PTPRG: variants seen among roughly 807,000 people sequenced by gnomAD.
The protein encoded by PTPRG is receptor-type tyrosine-protein phosphatase gamma.
A neutral mutation model predicts 165.3 loss-of-function variants in PTPRG; 102 were observed. The observed-to-expected ratio is 0.62, with a 90% CI of 0.53 to 0.73. The LOEUF is 0.73. PTPRG is among the 30% of genes least tolerant of loss of function. PTPRG has a pLI of 0.00. For synonymous variants in PTPRG, 675 were observed against 669.5 expected (o/e 1.01, Z -0.13); for missense variants, 1,866 against 1,861.4 (o/e 1.00, Z -0.05).
At chr3:61,729,355 G>A (rs1305762672) in intron 1 of PTPRG, among the ~76,000 whole-genome samples, 1 of 152,178 alleles carries the variant, frequency 6.6e-6, no homozygotes, top group Non-Finnish European at 1.5e-5. Context: ...TTTCCCCTTT[G>A]TAAAGGTTGG....
chr3:61,621,033 G>GTGTATATATATATATATATATA (rs767786792), intron 1 of PTPRG, among the ~76,000 whole-genome samples: 20 of 130,056 alleles, frequency 1.5e-4, no homozygotes, highest in Admixed American at 5.8e-4. Context: ...GTGTGTGTGT[G>GTGTATATATATATATATATATA]TATATATATA....
intron 4 of PTPRG, among the ~76,000 whole-genome samples, chr3:62,046,040 TG>T (rs1241872733): frequency 2.6e-5 from 4 of 152,196 alleles, no homozygotes; most frequent in Middle Eastern, 3.4e-3. Context: ...CCCTGTGAGG[TG>T]GTCGCACAAA....
intron 4 of PTPRG, among the ~76,000 whole-genome samples, chr3:62,048,704 T>A (rs1700374136): frequency 6.6e-6 from 1 of 152,232 alleles, no homozygotes; most frequent in African/African-American, 2.4e-5. Context: ...ACTATTGTCT[T>A]CAGAAAATCC....
intron 1 of PTPRG, among the ~76,000 whole-genome samples, chr3:61,705,111 G>T (rs1342610221): frequency 6.6e-6 from 1 of 152,128 alleles, no homozygotes; most frequent in East Asian, 1.9e-4. Flanking sequence ...AAGAGCTTTG[G>T]GTGGCTGAGC....
chr3:61,709,950 C>G (rs890978192), intron 1 of PTPRG, among the ~76,000 whole-genome samples: 7 of 152,136 alleles, frequency 4.6e-5, no homozygotes, highest in African/African-American at 1.7e-4. Flanking sequence ...ATTGGCGTTT[C>G]TAGGTGCTGC....
At chr3:61,792,787 G>T (rs2034927152) in intron 2 of PTPRG, among the ~76,000 whole-genome samples, 1 of 151,190 alleles carries the variant, frequency 6.6e-6, no homozygotes, top group Admixed American at 6.6e-5. Flanking sequence ...GGAGTGCAGT[G>T]GCGTGATCTC....
At chr3:61,847,548 G>A (rs2107352847) in intron 2 of PTPRG, among the ~76,000 whole-genome samples, 1 of 152,344 alleles carries the variant, frequency 6.6e-6, no homozygotes, top group African/African-American at 2.4e-5. Context: ...TCAGGAGCCA[G>A]TGTGGCTACC....
At chr3:61,890,226 AGGTTAACTGAAT>A (rs1408043017) in intron 2 of PTPRG, among the ~76,000 whole-genome samples, 1 of 152,148 alleles carries the variant, frequency 6.6e-6, no homozygotes, top group African/African-American at 2.4e-5. Context: ...TTAGTATTTA[AGGTTAACTGAAT>A]GGCCAGATTT....
intron 1 of PTPRG, among the ~76,000 whole-genome samples, chr3:61,698,254 A>G (rs892330176): frequency 8.5e-5 from 13 of 152,146 alleles, no homozygotes; most frequent in African/African-American, 3.1e-4. Context: ...TCTCCATGGC[A>G]CATAAGAGAT....
At chr3:62,133,856 G>T (rs1452032887) in intron 6 of PTPRG, among the ~76,000 whole-genome samples, 1 of 151,996 alleles carries the variant, frequency 6.6e-6, no homozygotes, top group Non-Finnish European at 1.5e-5. Context: ...AGTGATAGGC[G>T]CCTATAATCC....
chr3:61,898,758 T>C (rs1575764692), intron 2 of PTPRG, among the ~76,000 whole-genome samples: 1 of 152,078 alleles, frequency 6.6e-6, no homozygotes, highest in East Asian at 1.9e-4. Flanking sequence ...AGTGAATAAA[T>C]AAAGAAGAAT....
At chr3:61,978,257 G>GT (rs1448514444) in intron 2 of PTPRG, among the ~76,000 whole-genome samples, 1 of 152,114 alleles carries the variant, frequency 6.6e-6, no homozygotes, top group Non-Finnish European at 1.5e-5. Context: ...GTCTTTTGAT[G>GT]TTTTTTACCG....
intron 6 of PTPRG, among the ~76,000 whole-genome samples, chr3:62,149,109 G>T (rs1199691914): frequency 6.6e-6 from 1 of 152,076 alleles, no homozygotes; most frequent in Non-Finnish European, 1.5e-5. Flanking sequence ...TTGCAAACAG[G>T]ACAGCCCCAT....
At chr3:61,935,231 C>T (rs2039455983) in intron 2 of PTPRG, among the ~76,000 whole-genome samples, 1 of 152,166 alleles carries the variant, frequency 6.6e-6, no homozygotes, top group Admixed American at 6.5e-5. Flanking sequence ...AAACACATTC[C>T]AGTTTGCTCA....
intron 1 of PTPRG, among the ~76,000 whole-genome samples, chr3:61,601,926 C>A (rs1247449159): frequency 6.6e-6 from 1 of 152,222 alleles, no homozygotes; most frequent in Non-Finnish European, 1.5e-5. Context: ...ATACTACTCA[C>A]TCTCATGCGT....
At chr3:61,810,461 T>A (rs1036583504) in intron 2 of PTPRG, among the ~76,000 whole-genome samples, 1 of 152,142 alleles carries the variant, frequency 6.6e-6, no homozygotes, top group African/African-American at 2.4e-5. Flanking sequence ...AGGAATGATT[T>A]CTTTTTAGGT....
At chr3:61,748,804 G>A in intron 1 of PTPRG, 74 bp from the exon 2 acceptor site, 2 of 1,184,816 alleles carry the variant, frequency 1.7e-6, no homozygotes, top group Admixed American at 3.6e-5. Context: ...TCACCCAATG[G>A]TGTTCATTTG....
At chr3:61,755,164 C>T (rs943851426) in intron 2 of PTPRG, among the ~76,000 whole-genome samples, 3 of 152,114 alleles carry the variant, frequency 2.0e-5, no homozygotes, top group Non-Finnish European at 2.9e-5. Flanking sequence ...TGTGCCACCA[C>T]GCCCGACTAA....
rs750627626 is a variant in PTPRG, at chr3:61,571,828, T to C, written c.85+9456T>C. Among the ~76,000 whole-genome samples the C allele has an allele frequency of 2.6e-5, 4 of 152,346 alleles. No homozygotes were observed. In the South Asian group the frequency reaches 8.3e-4, roughly 32 times the overall value. Reference sequence around the variant, plus strand: ...AGGAAAGGTCTGAGGGTGTTGTGTTTGGCAAGAAATGGCTTGGATTCTGCA... The same window carrying C: ...AGGAAAGGTCTGAGGGTGTTGTGTTCGGCAAGAAATGGCTTGGATTCTGCA... On this transcript the variant is annotated intron_variant, in intron 1 of 29. Coordinates refer to ENST00000474889, the MANE Select transcript of PTPRG (RefSeq NM_002841.4).
Sources: allele counts gnomAD v4.1 joint callset (sites outside exome capture counted in the v4.1 genomes callset), GRCh38; gene constraint gnomAD v4.1.1; transcripts MANE v1.5; gene names NCBI Gene and HGNC (gene_info 2026-07-23, HGNC 2026-07-21).